Variants in ARHGAP24 observed in about 807,000 individuals in gnomAD.
ARHGAP24 encodes the protein Rho GTPase activating protein 24.
Under a neutral mutation model 76.4 loss-of-function variants are expected in ARHGAP24, and 50 were observed. The ratio of observed to expected loss-of-function variants is 0.65; its 90% confidence interval spans 0.52 to 0.83. The LOEUF (loss-of-function observed/expected upper bound fraction) is 0.83, where lower values mean the gene tolerates loss of function less well. Among genes scored for constraint, ARHGAP24 ranks in the 40% least tolerant of loss-of-function variants. The pLI, the probability that ARHGAP24 is intolerant of heterozygous loss-of-function variation, is 0.00. For synonymous variants in ARHGAP24, 345 were observed against 323.3 expected (o/e 1.07, Z -0.72); for missense variants, 930 against 914.2 (o/e 1.02, Z -0.22).
intron 3 of ARHGAP24, among the ~76,000 whole-genome samples, chr4:85,906,612 A>C (rs906644182): frequency 1.3e-5 from 2 of 152,190 alleles, no homozygotes; most frequent in African/African-American, 4.8e-5. Flanking sequence ...TAAGAGCAAA[A>C]GATGCCTGAA....
intron 4 of ARHGAP24, 89 bp from the exon 5 acceptor site, chr4:85,941,977 T>A: frequency 7.4e-7 from 1 of 1,353,312 alleles, no homozygotes; most frequent in East Asian, 2.5e-5. Context: ...CCAATCTTTG[T>A]TTTTCTGTTA....
At chr4:85,599,674 T>A (rs6813895) in intron 2 of ARHGAP24, among the ~76,000 whole-genome samples, 141,161 of 151,804 alleles carry the variant, frequency 0.93, 65,667 homozygotes, top group East Asian at 0.98. Flanking sequence ...TTAAATTATT[T>A]TTTTTTTGTA....
intron 2 of ARHGAP24, among the ~76,000 whole-genome samples, chr4:85,626,370 C>A (rs1454845973): frequency 2.6e-5 from 4 of 152,108 alleles, no homozygotes; most frequent in Non-Finnish European, 4.4e-5. Context: ...GTTGAAAATT[C>A]TTTTCTTTAA....
At chr4:85,930,787 C>T (rs938732158) in intron 4 of ARHGAP24, 1 of 1,462,994 alleles carries the variant, frequency 6.8e-7, no homozygotes, top group Non-Finnish European at 9.0e-7. Context: ...TAAGCCAGGA[C>T]CTGGATGATC....
intron 3 of ARHGAP24, among the ~76,000 whole-genome samples, chr4:85,861,000 G>GCACA (rs70948764): frequency 0.14 from 18,848 of 137,376 alleles, 1,271 homozygotes; most frequent in African/African-American, 0.22. Context: ...GTGCATGCAC[G>GCACA]CACACACACA....
chr4:85,826,451 T>C (rs1270663241), intron 3 of ARHGAP24, among the ~76,000 whole-genome samples: 1 of 152,126 alleles, frequency 6.6e-6, no homozygotes, highest in Non-Finnish European at 1.5e-5. Flanking sequence ...ACTCTGGCCA[T>C]GTGGTGGCTG....
At chr4:85,954,811 C>T (rs1737815581) in intron 5 of ARHGAP24, among the ~76,000 whole-genome samples, 2 of 152,190 alleles carry the variant, frequency 1.3e-5, no homozygotes, top group Admixed American at 1.3e-4. Context: ...AGTTCAAGAC[C>T]AGCCTGGCCA....
chr4:85,734,888 A>G (rs1483125882), intron 3 of ARHGAP24, among the ~76,000 whole-genome samples: 3 of 151,974 alleles, frequency 2.0e-5, no homozygotes, highest in African/African-American at 7.3e-5. Context: ...TTTATTTTGC[A>G]TTTTATTTTC....
In ARHGAP24 at chr4:85,591,000, C is replaced by T. The variant is rs1312498258; in HGVS notation, c.180+20279C>T. ...ACAAAAATTATTTATAATGCCTTTC[C>T]CATGCAGCACTAACCTGTAAAATCT... On this transcript the variant is annotated intron_variant, in intron 2 of 9. Transcript: ENST00000395184. Among the ~76,000 whole-genome samples, 9 of 146,822 alleles carry T rather than the reference C, an allele frequency of 6.1e-5. No homozygotes were observed. In the East Asian group the frequency reaches 1.8e-3, roughly 29 times the overall value.
chr4:85,985,132 C>CTCT (rs1739909578), intron 8 of ARHGAP24, among the ~76,000 whole-genome samples: 2 of 151,966 alleles, frequency 1.3e-5, no homozygotes, highest in South Asian at 4.2e-4. Context: ...AGAAGAGTAA[C>CTCT]TCTTATACTC....
chr4:85,900,600 A>AT (rs370545435), intron 3 of ARHGAP24, among the ~76,000 whole-genome samples: 6 of 151,666 alleles, frequency 4.0e-5, no homozygotes, highest in African/African-American at 1.2e-4. Flanking sequence ...AATTTTTTGT[A>AT]TTTTTATTAG....
intron 3 of ARHGAP24, among the ~76,000 whole-genome samples, chr4:85,770,266 T>C (rs773102047): frequency 2.6e-5 from 4 of 152,180 alleles, no homozygotes; most frequent in Non-Finnish European, 4.4e-5. Context: ...TCTTCTTCTG[T>C]ATAAACTCAA....
Position 85,697,659 on chromosome 4 carries a change from G to A in ARHGAP24, c.181-24226G>A, listed in dbSNP as rs1723919448. Among the ~76,000 whole-genome samples, 4 of 152,274 alleles carry A rather than the reference G, an allele frequency of 2.6e-5. No individual in the cohort carries two copies. The South Asian group carries it at 8.3e-4, about 32-fold the overall frequency. On this transcript the variant is annotated intron_variant, in intron 2 of 9. Coordinates refer to ENST00000395184, the MANE Select transcript of ARHGAP24 (RefSeq NM_001025616.3). Reference sequence around the variant, plus strand: ...GGTTAACATACTAAATGAAATGGAAGTCAATTGGGCTGTTTCTGAGGAAAA... The same window carrying A: ...GGTTAACATACTAAATGAAATGGAAATCAATTGGGCTGTTTCTGAGGAAAA...
intron 2 of ARHGAP24, among the ~76,000 whole-genome samples, chr4:85,586,631 G>A (rs992796855): frequency 6.6e-6 from 1 of 152,146 alleles, no homozygotes. Context: ...CGGGCGTGGT[G>A]GCTCACACCT....
At chr4:85,704,290 A>G (rs750410262) in intron 2 of ARHGAP24, among the ~76,000 whole-genome samples, 2 of 152,034 alleles carry the variant, frequency 1.3e-5, no homozygotes, top group Non-Finnish European at 2.9e-5. Flanking sequence ...TCTTCTTTCT[A>G]TCATTGTAGC....
At chr4:85,666,931 C>G (rs77330551) in intron 2 of ARHGAP24, among the ~76,000 whole-genome samples, 13 of 152,086 alleles carry the variant, frequency 8.5e-5, no homozygotes, top group Admixed American at 3.3e-4. Context: ...CAGTTAGGCT[C>G]CTCAGGGGTC....
chr4:85,703,751 G>A (rs1724191815), intron 2 of ARHGAP24, among the ~76,000 whole-genome samples: 1 of 152,116 alleles, frequency 6.6e-6, no homozygotes, highest in East Asian at 1.9e-4. Context: ...GTGGTAGGCT[G>A]TTATAGCAGC....
At chr4:85,728,885 T>G (rs1725281844) in intron 3 of ARHGAP24, among the ~76,000 whole-genome samples, 1 of 152,234 alleles carries the variant, frequency 6.6e-6, no homozygotes, top group Non-Finnish European at 1.5e-5. Flanking sequence ...CTACATTAAC[T>G]TGCTGTCATT....
chr4:85,616,179 C>T (rs772702339), intron 2 of ARHGAP24, among the ~76,000 whole-genome samples: 1 of 152,100 alleles, frequency 6.6e-6, no homozygotes, highest in African/African-American at 2.4e-5. Flanking sequence ...AAACCAAAGG[C>T]ATGAAACTAT....
Sources: allele counts gnomAD v4.1 joint callset (sites outside exome capture counted in the v4.1 genomes callset), GRCh38; gene constraint gnomAD v4.1.1; transcripts MANE v1.5; gene names NCBI Gene and HGNC (gene_info 2026-07-23, HGNC 2026-07-21).